Variants in ECPAS observed in about 807,000 individuals in gnomAD.
ECPAS encodes the protein proteasome adapter and scaffold protein ECM29.
A neutral mutation model predicts 255.1 loss-of-function variants in ECPAS; 70 were observed. That is an observed-to-expected ratio of 0.27 (90% CI 0.23 to 0.33). The LOEUF (loss-of-function observed/expected upper bound fraction) is 0.33. Among genes scored for constraint, ECPAS ranks in the 10% least tolerant of loss-of-function variants. ECPAS has a pLI of 1.00. For synonymous variants in ECPAS, 784 were observed against 775.0 expected, an observed-to-expected ratio of 1.01 and a Z score of -0.19; for missense variants, 1,817 against 2,206.4, an observed-to-expected ratio of 0.82 and a Z score of 3.54.
rs1436253083 is a variant in ECPAS, at chr9:111,484,260, C to T, written c.-227G>A. ...GGCTGGGCCGAGCGGGCCCGGGCTG[C>T]CCTAGCGGCCGGGGGAAATCCTCGA... On this transcript the variant is annotated 5_prime_UTR_variant, in exon 1 of 50. Transcript: ENST00000684092. 6.7e-7 allele frequency: 1 copy of T among 1,500,502 alleles called. No individual in the cohort carries two copies. Among genetic ancestry groups the T allele is most frequent in the Admixed American group, 2.4e-5 (1 of 41,878 alleles). The allele number at this position is 1,500,502 out of a possible 1,614,324, so 92.9% of individuals were successfully genotyped here.
At position 111,370,447 on chromosome 9, in the gene ECPAS, A is replaced by C. The variant is rs1312158700; in HGVS notation, c.4962T>G (p.Pro1654=). ...CAGGTGGTATTACCTTCTTGATGAG[A>C]GGTATGACAATGTTAGAGAACTCCT... ...RFQEFSNIVI[P]LIKKNSLESS... is the part of the protein sequence containing the mutation. The change falls in exon 45 of 50, where the codon CCT becomes CCG. Residue 1654 remains proline (P), a synonymous_variant. Transcript: ENST00000684092. 3 of 1,591,388 alleles carry C rather than the reference A, an allele frequency of 1.9e-6. No individual in the cohort carries two copies. In the South Asian group the frequency reaches 3.4e-5, roughly 18 times the overall value.
intron 2 of ECPAS, among the ~76,000 whole-genome samples, chr9:111,455,065 T>C (rs1192537092): frequency 2.6e-5 from 4 of 151,836 alleles, no homozygotes; most frequent in Non-Finnish European, 1.5e-5. Flanking sequence ...AAACTTACCA[T>C]TCCTTCCCTA....
chr9:111,483,485 G>A, intron 1 of ECPAS: 1 of 977,632 alleles, frequency 1.0e-6, no homozygotes, highest in Non-Finnish European at 1.2e-6. Flanking sequence ...GCGGCCGCAG[G>A]TTCGGCCGCG....
At chr9:111,370,409 A>G in intron 45 of ECPAS, 26 bp downstream of exon 45, 2 of 1,464,456 alleles carry the variant, frequency 1.4e-6, no homozygotes, top group Non-Finnish European at 1.9e-6. Context: ...AGTATAAACC[A>G]GAACTGAGGA....
intron 24 of ECPAS, among the ~76,000 whole-genome samples, chr9:111,404,399 A>G (rs1316533692): frequency 2.7e-5 from 4 of 149,536 alleles, no homozygotes; most frequent in African/African-American, 1.0e-4. Context: ...ATCAACATAC[A>G]AACAGTTGCA....
At chr9:111,426,024 A>AC (rs1412604936) in intron 10 of ECPAS, among the ~76,000 whole-genome samples, 196 bp from the exon 11 acceptor site, 1 of 152,364 alleles carries the variant, frequency 6.6e-6, no homozygotes, top group East Asian at 1.9e-4. Context: ...AGTAACAAAC[A>AC]CAATGGTTGA....
rs541324795 is a variant in ECPAS at position 111,375,650 on chromosome 9, G to A, written c.4021-448C>T. On this transcript the variant is annotated intron_variant, in intron 37 of 49. Transcript: ENST00000684092. ...TTATTTTTGAAAATGCAATTAACAT[G>A]TTTTCTATTACTAATGAATATAACT... 2.0e-5 allele frequency among the ~76,000 whole-genome samples: 3 copies of A among 152,102 alleles called. No homozygotes were observed. The East Asian group carries it at 5.8e-4, about 29-fold the overall frequency.
chr9:111,470,553 G>C (rs1276473935), intron 2 of ECPAS, among the ~76,000 whole-genome samples: 1 of 151,878 alleles, frequency 6.6e-6, no homozygotes, highest in Admixed American at 6.6e-5. Context: ...CTCGTGATCC[G>C]CCCGCCTCGG....
rs1363504329 is a variant in ECPAS at position 111,360,929 on chromosome 9, G to C, written c.*1101C>G. ...TACCATCAACACTAAGGTTTTACTT[G>C]TTTTTCCTCTTACCCTACACTTTCA... is the stretch of plus-strand genomic sequence containing the variant. On this transcript the variant is annotated 3_prime_UTR_variant, in exon 50 of 50. Coordinates refer to ENST00000684092, the MANE Select transcript of ECPAS (RefSeq NM_001364929.1). The C allele has an allele frequency of 6.6e-6, 1 of 152,130 alleles. No homozygotes were observed. The highest frequency in any genetic ancestry group is 2.4e-5 in the African/African-American group (1 of 41,430). The allele number at this position is 152,130 out of a possible 1,614,324, so 9.4% of individuals were successfully genotyped here. A position where few individuals can be genotyped will look rare whatever the true frequency, so the allele number is the denominator to read the frequency against.
In ECPAS at chr9:111,436,923, C is replaced by A. The variant is rs1195138055; in HGVS notation, c.708+17G>T. 5.7e-6 allele frequency: 9 copies of A among 1,576,784 alleles called. No homozygotes were observed. Among genetic ancestry groups the A allele is most frequent in the Non-Finnish European group, 7.7e-6 (9 of 1,164,058 alleles). ...GTCCACAATCAACTACTATTATGAG[C>A]AAGCCTTGTGTGATACCTGTTCCAA... On this transcript the variant is annotated intron_variant, in intron 7 of 49. Transcript: ENST00000684092.
At chr9:111,411,163 A>G in intron 21 of ECPAS, 21 bp from the exon 22 acceptor site, 2 of 1,612,384 alleles carry the variant, frequency 1.2e-6, no homozygotes, top group South Asian at 2.2e-5. Context: ...CAAAAACAAT[A>G]GCATATCTCT....
chr9:111,421,984 A>G lies in ECPAS; in HGVS notation c.1392T>C (p.Tyr464=), dbSNP rs1177672294. The change falls in exon 15 of 50, where the codon TAT becomes TAC. Residue 464 remains tyrosine, a synonymous_variant. Coordinates refer to ENST00000684092, the MANE Select transcript of ECPAS (RefSeq NM_001364929.1). ...QEALSMMVGA[Y]STLEGAQRTL... is the part of the protein sequence containing the mutation. ...TTCGCTGTGCCCCTTCCAAAGTACTATACGCTCCAACCATCATAGATAAAG... is the reference window on the plus strand; with the variant it reads ...TTCGCTGTGCCCCTTCCAAAGTACTGTACGCTCCAACCATCATAGATAAAG... 6 of 1,613,744 alleles carry G rather than the reference A, an allele frequency of 3.7e-6. No homozygotes were observed. The highest frequency in any genetic ancestry group is 1.3e-5 in the African/African-American group (1 of 75,030).
Position 111,372,430 on chromosome 9 carries a change from A to C in ECPAS, c.4527T>G (p.Pro1509=). ...TTTAACTCAGGCCACACTACTAACC[A>C]GGTACGTTTTCCTGCCACACTTCGG... ...LWTEVWQENV[P]GSFGGIRLYL... The change falls in exon 42 of 50, where the codon CCT becomes CCG. Residue 1509 remains proline (P), a splice_region_variant and synonymous_variant. Transcript: ENST00000684092. 1 of 1,613,356 alleles carries C rather than the reference A, an allele frequency of 6.2e-7. No individual in the cohort carries two copies. Among genetic ancestry groups the C allele is most frequent in the Non-Finnish European group, 8.5e-7 (1 of 1,179,478 alleles).
rs149035000 is a variant in ECPAS at position 111,417,048 on chromosome 9, T to C, written c.1684-696A>G. ...TTAAAAATAAAAAGGAGAACCAGCG[T>C]GGGCAATATAGCAAAACTCTGTCTC... is the stretch of plus-strand genomic sequence containing the variant. On this transcript the variant is annotated intron_variant, in intron 17 of 49. Transcript: ENST00000684092. Among the ~76,000 whole-genome samples, 491 of 152,206 alleles carry C rather than the reference T, an allele frequency of 3.2e-3. 3 individuals carry two copies. Among genetic ancestry groups the C allele is most frequent in the African/African-American group, 0.012 (480 of 41,516 alleles).
chr9:111,385,366 T>C lies in ECPAS; in HGVS notation c.3604A>G (p.Thr1202Ala). Residue 1202 changes from threonine (T) to alanine (A), a missense_variant, in exon 33 of 50, where the codon ACG (threonine) becomes GCG (alanine). Thr to Ala is a moderately conservative substitution (Grantham distance 58). Coordinates refer to ENST00000684092, the MANE Select transcript of ECPAS (RefSeq NM_001364929.1). ...ATATCATCTTGTACTCTAAAAAGCG[T>C]TTCCCAAATTTCTGGAAGTTTATCA... is the stretch of plus-strand genomic sequence containing the variant. The part of the protein sequence containing the change: ...IIDKLPEIWE[T>A]LFRVQDDIKE... 2 of 1,568,760 alleles carry C rather than the reference T, an allele frequency of 1.3e-6. No homozygotes were observed. The highest frequency in any genetic ancestry group is 1.2e-5 in the South Asian group (1 of 85,860).
At position 111,425,840 on chromosome 9, in the gene ECPAS, G is replaced by C. The variant is rs1490118200; in HGVS notation, c.1051-12C>G. 2.4e-6 allele frequency: 3 copies of C among 1,260,840 alleles called. No individual in the cohort carries two copies. The highest frequency in any genetic ancestry group is 3.4e-6 in the Non-Finnish European group (3 of 881,572). 78.1% of individuals were successfully genotyped at this position (1,260,840 alleles called of 1,614,324 possible). A position where few individuals can be genotyped will look rare whatever the true frequency, so the allele number is the denominator to read the frequency against. ...CCATCATACACCACCTATGTAAAAT[G>C]AAGAGTTGAGAACATCAATTAATAA... On this transcript the variant is annotated splice_polypyrimidine_tract_variant and intron_variant, in intron 10 of 49. Coordinates refer to ENST00000684092, the MANE Select transcript of ECPAS (RefSeq NM_001364929.1).
intron 7 of ECPAS, 29 bp downstream of exon 7, chr9:111,436,908 AACT>A (rs1356331133): frequency 9.8e-6 from 15 of 1,537,332 alleles, no homozygotes; most frequent in African/African-American, 1.4e-5. Flanking sequence ...GTCCACAATC[AACT>A]ACTATTATGA....
intron 32 of ECPAS, among the ~76,000 whole-genome samples, chr9:111,386,148 G>C (rs2098148085): frequency 6.6e-6 from 1 of 152,160 alleles, no homozygotes; most frequent in South Asian, 2.1e-4. Flanking sequence ...ATTTTTAGTA[G>C]AGACGGGGTT....
rs1223694818 is a variant in ECPAS, at chr9:111,422,130, C to G, written c.1332+4G>C. On this transcript the variant is annotated splice_donor_region_variant and intron_variant, in intron 14 of 49. Coordinates refer to ENST00000684092, the MANE Select transcript of ECPAS (RefSeq NM_001364929.1). ...AAGCATAAACTTAGCAGCTGTTTCC[C>G]TACCTTGCAAAGGGCTTCAAAAAGC... The G allele has an allele frequency of 6.2e-7, 1 of 1,613,804 alleles. No homozygotes were observed. Among genetic ancestry groups the G allele is most frequent in the Non-Finnish European group, 8.5e-7 (1 of 1,179,786 alleles).
Sources: allele counts gnomAD v4.1 joint callset (sites outside exome capture counted in the v4.1 genomes callset), GRCh38; gene constraint gnomAD v4.1.1; transcripts MANE v1.5; gene names NCBI Gene and HGNC (gene_info 2026-07-23, HGNC 2026-07-21).